DSCAM: variants seen among roughly 807,000 people sequenced by gnomAD.
The protein encoded by DSCAM is DS cell adhesion molecule.
In DSCAM, 47 loss-of-function variants were observed where a neutral mutation model predicts 217.7. The ratio of observed to expected loss-of-function variants is 0.22; its 90% CI spans 0.17 to 0.28. The LOEUF (loss-of-function observed/expected upper bound fraction) is 0.28. Among genes scored for constraint, DSCAM ranks in the 10% least tolerant of loss-of-function variants. DSCAM has a pLI of 1.00. For synonymous variants in DSCAM, 1,056 were observed against 1,015.3 expected (o/e 1.04, Z -0.76); for missense variants, 2,080 against 2,618.3 (o/e 0.79, Z 4.49).
chr21:40,264,188 GCCTAA>G (rs1380072757), intron 11 of DSCAM, among the ~76,000 whole-genome samples: 1 of 152,122 alleles, frequency 6.6e-6, no homozygotes, highest in Admixed American at 6.5e-5. Context: ...AGGGAATCCT[GCCTAA>G]CTTATTCTAT....
At chr21:40,494,169 CAA>C (rs148145079) in intron 3 of DSCAM, among the ~76,000 whole-genome samples, 2,172 of 152,118 alleles carry the variant, frequency 0.014, 48 homozygotes, top group African/African-American at 0.05. Context: ...AAGCCAGTAA[CAA>C]AGTGACACTA....
In DSCAM at chr21:40,312,430, C is replaced by T. The variant is rs1035721258; in HGVS notation, c.1784-71G>A. On this transcript the variant is annotated intron_variant, in intron 8 of 32. Transcript: ENST00000400454. ...TTTGCTTTTCCTTTAACCCTGTATA[C>T]GGCACTGAAAGGGTAGTACAGACGA... 1.9e-5 allele frequency: 29 copies of T among 1,536,860 alleles called. No individual in the cohort carries two copies. In the African/African-American group the frequency reaches 2.3e-4, roughly 12 times the overall value.
chr21:40,538,230 TG>T (rs1360676838), intron 3 of DSCAM, among the ~76,000 whole-genome samples: 1 of 152,078 alleles, frequency 6.6e-6, no homozygotes, highest in Non-Finnish European at 1.5e-5. Context: ...GATCAAGAGA[TG>T]GGGTGTTAGT....
Position 40,744,141 on chromosome 21 carries a change from A to T in DSCAM, c.44-35370T>A, listed in dbSNP as rs2091151463. Among the ~76,000 whole-genome samples the T allele has an allele frequency of 2.0e-5, 3 of 152,190 alleles. No individual in the cohort carries two copies. The South Asian group carries it at 6.2e-4, about 32-fold the overall frequency. On this transcript the variant is annotated intron_variant, in intron 1 of 32. Transcript: ENST00000400454. ...GGTGGGAAGATGGAATTGGAGGTGG[A>T]TGTTTGATCCCCCTACCAGTATGGG...
chr21:40,160,685 T>C (rs1029195200), intron 16 of DSCAM, among the ~76,000 whole-genome samples: 2 of 152,196 alleles, frequency 1.3e-5, no homozygotes, highest in Non-Finnish European at 2.9e-5. Flanking sequence ...AATACCCCTT[T>C]AGTTGCAACC....
chr21:40,616,364 C>T (rs2089393752), intron 3 of DSCAM, among the ~76,000 whole-genome samples: 1 of 152,140 alleles, frequency 6.6e-6, no homozygotes, highest in South Asian at 2.1e-4. Context: ...ACATGCTGCC[C>T]AAGCTTATCT....
At chr21:40,658,480 G>A (rs1355146969) in intron 3 of DSCAM, among the ~76,000 whole-genome samples, 1 of 152,170 alleles carries the variant, frequency 6.6e-6, no homozygotes, top group Non-Finnish European at 1.5e-5. Context: ...ACTCTAATAG[G>A]TCACAGTGAG....
intron 3 of DSCAM, among the ~76,000 whole-genome samples, chr21:40,396,980 G>A (rs2075184250): frequency 6.6e-6 from 1 of 152,062 alleles, no homozygotes; most frequent in Non-Finnish European, 1.5e-5. Flanking sequence ...CACCTATCAT[G>A]ATTGCCTAAC....
intron 32 of DSCAM, among the ~76,000 whole-genome samples, chr21:40,036,544 A>G (rs2088627297): frequency 6.8e-6 from 1 of 147,028 alleles, no homozygotes; most frequent in South Asian, 2.1e-4. Flanking sequence ...AACCAAAAAG[A>G]GTCCAGGACC....
intron 3 of DSCAM, among the ~76,000 whole-genome samples, chr21:40,411,438 A>T (rs1393428522): frequency 6.6e-6 from 1 of 152,226 alleles, no homozygotes; most frequent in Non-Finnish European, 1.5e-5. Flanking sequence ...GTCAATAATC[A>T]CACTGAATTT....
chr21:40,830,613 C>T (rs140464570), intron 1 of DSCAM, among the ~76,000 whole-genome samples: 272 of 152,306 alleles, frequency 1.8e-3, no homozygotes, highest in African/African-American at 6.1e-3. Context: ...GCTTCCACCC[C>T]GGCTCAATGT....
intron 3 of DSCAM, among the ~76,000 whole-genome samples, chr21:40,553,141 C>T (rs2076643817): frequency 6.6e-6 from 1 of 152,124 alleles, no homozygotes; most frequent in Non-Finnish European, 1.5e-5. Context: ...GGGACAGTTT[C>T]TATTGGTGGA....
In DSCAM at chr21:40,139,164, TGTGTGTGGTGTG is replaced by T. The variant is rs555610140; in HGVS notation, c.3406+3382_3406+3393del. On this transcript the variant is annotated intron_variant, in intron 18 of 32. Coordinates refer to ENST00000400454, the MANE Select transcript of DSCAM (RefSeq NM_001389.5). ...GGTGTGGTACATGGTGTATGTGGGG[TGTGTGTGGTGTG>T]GTATGTGGACCCTGAAAACCTGAGA... Among the ~76,000 whole-genome samples, 256 of 151,522 alleles carry T rather than the reference TGTGTGTGGTGTG, an allele frequency of 1.7e-3. 1 individual carries two copies. Among genetic ancestry groups the T allele is most frequent in the African/African-American group, 6.0e-3 (246 of 41,214 alleles).
chr21:40,713,775 C>CT (rs1369116103), intron 1 of DSCAM, among the ~76,000 whole-genome samples: 2 of 152,156 alleles, frequency 1.3e-5, no homozygotes, highest in Non-Finnish European at 2.9e-5. Flanking sequence ...CATTTAAACA[C>CT]TAAGCACCAA....
chr21:40,630,248 A>G (rs1295485898), intron 3 of DSCAM, among the ~76,000 whole-genome samples: 1 of 152,248 alleles, frequency 6.6e-6, no homozygotes, highest in Non-Finnish European at 1.5e-5. Flanking sequence ...TAAAATCTAC[A>G]GGAAATGCAT....
At chr21:40,524,432 T>C (rs2076384229) in intron 3 of DSCAM, among the ~76,000 whole-genome samples, 2 of 152,114 alleles carry the variant, frequency 1.3e-5, no homozygotes, top group South Asian at 4.1e-4. Flanking sequence ...CCTTAAAAGG[T>C]TGAATAGAAA....
chr21:40,465,945 T>C (rs752224323), intron 3 of DSCAM, among the ~76,000 whole-genome samples: 4 of 152,062 alleles, frequency 2.6e-5, no homozygotes, highest in Non-Finnish European at 5.9e-5. Context: ...TTTGAAGGCA[T>C]AGAAATAAGA....
At chr21:40,584,707 G>T (rs531498960) in intron 3 of DSCAM, among the ~76,000 whole-genome samples, 1 of 152,246 alleles carries the variant, frequency 6.6e-6, no homozygotes, top group South Asian at 2.1e-4. Context: ...TCCTGCGGAG[G>T]GGGTTCTCTC....
At chr21:40,328,808 T>C (rs777443524) in intron 8 of DSCAM, among the ~76,000 whole-genome samples, 8 of 152,104 alleles carry the variant, frequency 5.3e-5, no homozygotes, top group Admixed American at 1.3e-4. Context: ...GAAAACAACC[T>C]GATTTGAAAA....
Sources: gnomAD v4.1 joint callset for allele counts (sites outside exome capture counted in the v4.1 genomes callset) on GRCh38, gnomAD v4.1.1 for gene constraint, MANE v1.5 for transcripts, NCBI Gene and HGNC (gene_info 2026-07-23, HGNC 2026-07-21) for gene names.